Variants in TMEM255B observed in about 807,000 individuals in gnomAD.
TMEM255B encodes the protein transmembrane protein 255B, also known as family with sequence similarity 70, member B.
In TMEM255B, 35 loss-of-function variants were observed where a neutral mutation model predicts 34.5. That is an observed-to-expected ratio of 1.01 (90% CI 0.77 to 1.34). The LOEUF (loss-of-function observed/expected upper bound fraction) is 1.34, where lower values mean the gene tolerates loss of function less well. TMEM255B is among the 40% of genes most tolerant of loss of function. The pLI is 0.00. For missense variants in TMEM255B, 432 were observed against 433.2 expected (o/e 1.00, Z 0.02); for synonymous variants, 206 against 201.2 (o/e 1.02, Z -0.20).
rs1387038138 is a variant in TMEM255B, at chr13:113,812,311, C to T, written c.*408C>T. 1 of 197,548 alleles carries T rather than the reference C, an allele frequency of 5.1e-6. No individual in the cohort carries two copies. The allele number at this position is 197,548 out of a possible 1,614,324, so 12.2% of individuals were successfully genotyped here. Reference sequence around the variant, plus strand: ...GTTGTGCGTTACACGTTCGTGTGTGCATCTGTGTCCTGGAGAAGCGCAGGG... The same window carrying T: ...GTTGTGCGTTACACGTTCGTGTGTGTATCTGTGTCCTGGAGAAGCGCAGGG... On this transcript the variant is annotated 3_prime_UTR_variant, in exon 9 of 9. Transcript: ENST00000375353.
chr13:113,791,962 G>A (rs1268080047), intron 3 of TMEM255B, among the ~76,000 whole-genome samples: 1 of 152,198 alleles, frequency 6.6e-6, no homozygotes, highest in Non-Finnish European at 1.5e-5. Flanking sequence ...ATCCAGGCCG[G>A]CACCCACGAG....
At chr13:113,777,443 G>A (rs1036508403) in intron 3 of TMEM255B, among the ~76,000 whole-genome samples, 1 of 152,178 alleles carries the variant, frequency 6.6e-6, no homozygotes, top group Non-Finnish European at 1.5e-5. Flanking sequence ...GGACAGTGGC[G>A]GAGGCTGCCA....
At chr13:113,774,933 CCA>C (rs1440174247) in intron 3 of TMEM255B, among the ~76,000 whole-genome samples, 1 of 149,202 alleles carries the variant, frequency 6.7e-6, no homozygotes, top group Non-Finnish European at 1.5e-5. Context: ...ACTACTCACA[CCA>C]CACACACTGC....
chr13:113,801,557 C>G, intron 6 of TMEM255B, 96 bp from the exon 7 acceptor site: 9 of 1,401,636 alleles, frequency 6.4e-6, no homozygotes, highest in Non-Finnish European at 7.6e-6. Flanking sequence ...GATTTCCTCC[C>G]CCAGCCCTGC....
intron 3 of TMEM255B, among the ~76,000 whole-genome samples, chr13:113,792,526 C>T (rs928698134): frequency 1.2e-4 from 18 of 152,234 alleles, no homozygotes; most frequent in Admixed American, 2.0e-4. Context: ...TTCCTTCTTT[C>T]TCAGGGTGCA....
chr13:113,761,944 A>G (rs1406844940), intron 1 of TMEM255B, among the ~76,000 whole-genome samples: 1 of 152,122 alleles, frequency 6.6e-6, no homozygotes, highest in African/African-American at 2.4e-5. Flanking sequence ...GCCGCCCAAG[A>G]CCACACAATG....
chr13:113,786,507 CCAT>C (rs1433444517), intron 3 of TMEM255B, among the ~76,000 whole-genome samples: 17 of 129,484 alleles, frequency 1.3e-4, no homozygotes, highest in East Asian at 3.2e-4. Context: ...ATCACCATCA[CCAT>C]CATCACCATT....
At chr13:113,803,587 C>T (rs1430688362) in intron 7 of TMEM255B, among the ~76,000 whole-genome samples, 1 of 119,844 alleles carries the variant, frequency 8.3e-6, no homozygotes. Context: ...ATCCTCAGGC[C>T]ACCGCCAGCT....
intron 8 of TMEM255B, 49 bp from the exon 9 acceptor site, chr13:113,811,687 C>T: frequency 6.2e-7 from 1 of 1,607,034 alleles, no homozygotes; most frequent in Non-Finnish European, 8.5e-7. Context: ...TGTGGTCCGG[C>T]ACGGGGTGGT....
At chr13:113,778,638 GAT>G (rs1434912061) in intron 3 of TMEM255B, among the ~76,000 whole-genome samples, 10 of 151,612 alleles carry the variant, frequency 6.6e-5, no homozygotes, top group African/African-American at 1.9e-4. Flanking sequence ...ATGATATGAC[GAT>G]GATCACCTGT....
intron 4 of TMEM255B, among the ~76,000 whole-genome samples, chr13:113,797,127 C>G (rs1263293436): frequency 2.6e-5 from 4 of 152,132 alleles, no homozygotes; most frequent in Non-Finnish European, 4.4e-5. Flanking sequence ...GGGGGTGTCC[C>G]CAGGTTCCGG....
intron 3 of TMEM255B, among the ~76,000 whole-genome samples, chr13:113,775,233 A>G (rs987957461): frequency 6.6e-6 from 1 of 151,822 alleles, no homozygotes; most frequent in Admixed American, 6.6e-5. Context: ...CACACATACT[A>G]TACACACCAC....
At chr13:113,787,704 A>G (rs1454173568) in intron 3 of TMEM255B, among the ~76,000 whole-genome samples, 1 of 152,020 alleles carries the variant, frequency 6.6e-6, no homozygotes, top group Non-Finnish European at 1.5e-5. Flanking sequence ...GAAGTGAATT[A>G]GGTTGTGCCT....
rs2051366077 is a variant in TMEM255B at position 113,813,408 on chromosome 13, CG to C, written c.*1507del. ...GGTCTGAGGTCTCCAGCTTACTTCA[CG>C]GAACAGTGCCCACCTGGGAGGTGGA... On this transcript the variant is annotated 3_prime_UTR_variant, in exon 9 of 9. Transcript: ENST00000375353. 6.6e-6 allele frequency: 1 copy of C among 152,268 alleles called. No individual in the cohort carries two copies. The highest frequency in any genetic ancestry group is 1.5e-5 in the Non-Finnish European group (1 of 68,064). The allele number at this position is 152,268 out of a possible 1,614,324, so 9.4% of individuals were successfully genotyped here.
At chr13:113,805,175 T>G in intron 8 of TMEM255B, 147 bp downstream of exon 8, 2 of 1,070,726 alleles carry the variant, frequency 1.9e-6, no homozygotes, top group Non-Finnish European at 2.6e-6. Flanking sequence ...GTGACAACCC[T>G]GCCGTCAGGG....
intron 1 of TMEM255B, 72 bp downstream of exon 1, chr13:113,759,387 G>C: frequency 8.3e-7 from 1 of 1,208,416 alleles, no homozygotes; most frequent in African/African-American, 1.6e-5. Context: ...GGGACTACAG[G>C]TCCCCGGCCG....
intron 3 of TMEM255B, among the ~76,000 whole-genome samples, chr13:113,782,477 G>A (rs1231198348): frequency 6.6e-6 from 1 of 152,188 alleles, no homozygotes; most frequent in Non-Finnish European, 1.5e-5. Flanking sequence ...TTAAAGTTAT[G>A]AAACTGCCAT....
chr13:113,808,792 T>TTGGG (rs1555302320), intron 8 of TMEM255B, among the ~76,000 whole-genome samples: 1 of 38,484 alleles, frequency 2.6e-5, no homozygotes, highest in South Asian at 1.6e-3. Context: ...CTGTGGTTCC[T>TTGGG]GGGGGGGGGG....
In TMEM255B at chr13:113,765,451, T is replaced by C. The variant is rs74116404; in HGVS notation, c.47-664T>C. Reference sequence around the variant, plus strand: ...GTCATCGCTGCCAGCGGCTCTCCAGTGTGCGGTCTGCTTTCCCTGCACACA... The same window carrying C: ...GTCATCGCTGCCAGCGGCTCTCCAGCGTGCGGTCTGCTTTCCCTGCACACA... On this transcript the variant is annotated intron_variant, in intron 1 of 8. Coordinates refer to ENST00000375353, the MANE Select transcript of TMEM255B (RefSeq NM_182614.4). Among the ~76,000 whole-genome samples, 830 of 152,366 alleles carry C rather than the reference T, an allele frequency of 5.4e-3. 8 individuals are homozygous for C. Among genetic ancestry groups the C allele is most frequent in the African/African-American group, 0.019 (799 of 41,588 alleles).
Sources: allele counts gnomAD v4.1 joint callset (sites outside exome capture counted in the v4.1 genomes callset), GRCh38; gene constraint gnomAD v4.1.1; transcripts MANE v1.5; gene names NCBI Gene and HGNC (gene_info 2026-07-23, HGNC 2026-07-21).